Variants in GNE observed in about 807,000 individuals in gnomAD.
The protein encoded by GNE is glucosamine (UDP-N-acetyl)-2-epimerase/N-acetylmannosamine kinase, also known as bifunctional UDP-N-acetylglucosamine 2-epimerase/N-acetylmannosamine kinase.
Under a neutral mutation model 61.8 loss-of-function variants are expected in GNE, and 41 were observed. That is an observed-to-expected ratio of 0.66 (90% CI 0.52 to 0.86). The LOEUF is 0.86. GNE is among the 40% of genes least tolerant of loss of function. The pLI, the probability that GNE is intolerant of heterozygous loss-of-function variation, is 0.00. For synonymous variants in GNE, 264 were observed against 326.4 expected, an observed-to-expected ratio of 0.81 and a Z score of 2.06; for missense variants, 608 against 909.1, an observed-to-expected ratio of 0.67 and a Z score of 4.26.
intron 4 of GNE, among the ~76,000 whole-genome samples, chr9:36,235,950 C>T (rs1051057433): frequency 1.3e-5 from 2 of 152,130 alleles, no homozygotes; most frequent in African/African-American, 4.8e-5. Context: ...TATCTCACAC[C>T]CCCATTAACT....
intron 4 of GNE, 124 bp downstream of exon 4, chr9:36,236,708 G>T: frequency 1.2e-6 from 1 of 852,854 alleles, no homozygotes; most frequent in Non-Finnish European, 2.0e-6. Context: ...AAATTGGAAT[G>T]CATTTCAGAA....
chr9:36,256,537 G>C (rs1409842124), intron 1 of GNE, among the ~76,000 whole-genome samples: 1 of 152,084 alleles, frequency 6.6e-6, no homozygotes, highest in Non-Finnish European at 1.5e-5. Context: ...GAGCCACCAC[G>C]CCCGGCAGAA....
chr9:36,265,308 G>T (rs1173871656), intron 1 of GNE: 13 of 441,078 alleles, frequency 2.9e-5, no homozygotes, highest in Middle Eastern at 3.5e-4. Flanking sequence ...AAGAACCCCA[G>T]GTCAGAGAAC....
rs560334698 is a variant in GNE, at chr9:36,267,416, G to A, written c.51+9478C>T. Among the ~76,000 whole-genome samples the A allele has an allele frequency of 5.3e-5, 8 of 152,160 alleles. No homozygotes were observed. In the East Asian group the frequency reaches 1.5e-3, roughly 29 times the overall value. On this transcript the variant is annotated intron_variant, in intron 1 of 11. Coordinates refer to the GNE transcript ENST00000396594. ...TCAGGATTTTAAAATATATTTTTTG[G>A]CTGAGTGCGGTGGCTCATGCCTGTA...
At chr9:36,272,917 C>CAAAAGAAAAAAA (rs1831092968) in intron 1 of GNE, among the ~76,000 whole-genome samples, 1 of 38,336 alleles carries the variant, frequency 2.6e-5, no homozygotes, top group African/African-American at 6.7e-5. Context: ...AGTAAAAATA[C>CAAAAGAAAAAAA]AAAAAAAAAA....
At chr9:36,240,621 T>A (rs1829596284) in intron 3 of GNE, among the ~76,000 whole-genome samples, 1 of 152,170 alleles carries the variant, frequency 6.6e-6, no homozygotes, top group South Asian at 2.1e-4. Context: ...GTTTTTTTTG[T>A]TATGTCCTTT....
intron 4 of GNE, among the ~76,000 whole-genome samples, chr9:36,235,675 G>A (rs895536318): frequency 2.0e-4 from 30 of 152,038 alleles, no homozygotes; most frequent in South Asian, 2.1e-4. Context: ...TACATTACCT[G>A]GAAAAAATCT....
At chr9:36,273,149 A>G (rs778447596) in intron 1 of GNE, among the ~76,000 whole-genome samples, 4 of 152,090 alleles carry the variant, frequency 2.6e-5, no homozygotes, top group Non-Finnish European at 4.4e-5. Flanking sequence ...GAACATTTCC[A>G]TGAGATTGAG....
At chr9:36,255,528 T>C (rs903904042) in intron 1 of GNE, among the ~76,000 whole-genome samples, 5 of 152,172 alleles carry the variant, frequency 3.3e-5, no homozygotes, top group Non-Finnish European at 7.3e-5. Flanking sequence ...TCTTCTCATA[T>C]GTGTTCCCCA....
rs759035396 is a variant in GNE, at chr9:36,217,330, C to T, written c.*35G>A. The T allele has an allele frequency of 1.5e-6, 2 of 1,369,208 alleles. No homozygotes were observed. The highest frequency in any genetic ancestry group is 1.2e-5 in the South Asian group (1 of 84,974). 84.8% of individuals were successfully genotyped at this position (1,369,208 alleles called of 1,614,324 possible). On this transcript the variant is annotated 3_prime_UTR_variant, in exon 12 of 12. Coordinates refer to ENST00000642385, the MANE Select transcript of GNE (RefSeq NM_005476.7). ...ACAAGAACTTGATTCCACTCAGGAG[C>T]TCTGGAGAGAAGGTCCATGTCTGTT...
In GNE at chr9:36,217,149, C is replaced by T; in HGVS notation, c.*216G>A. 3.4e-6 allele frequency: 2 copies of T among 580,518 alleles called. No individual in the cohort carries two copies. The highest frequency in any genetic ancestry group is 6.2e-6 in the Non-Finnish European group (2 of 324,284). The allele number at this position is 580,518 out of a possible 1,614,324, so 36.0% of individuals were successfully genotyped here. A position where few individuals can be genotyped will look rare whatever the true frequency, so the allele number is the denominator to read the frequency against. Reference sequence around the variant, plus strand: ...CTTACAGGGTTTGAGCTAAAATGACCCCTAGTAAGAAGACATCAGAAAGAA... The same window carrying T: ...CTTACAGGGTTTGAGCTAAAATGACTCCTAGTAAGAAGACATCAGAAAGAA... On this transcript the variant is annotated 3_prime_UTR_variant, in exon 12 of 12. Coordinates refer to ENST00000642385, the MANE Select transcript of GNE (RefSeq NM_005476.7).
intron 6 of GNE, among the ~76,000 whole-genome samples, 170 bp downstream of exon 6, chr9:36,228,851 C>G (rs1335183050): frequency 6.9e-6 from 1 of 144,386 alleles, no homozygotes. Flanking sequence ...ACCTTTGGAA[C>G]AGTAATAATG....
chr9:36,248,619 C>T (rs569588663), intron 2 of GNE, among the ~76,000 whole-genome samples: 3 of 152,214 alleles, frequency 2.0e-5, no homozygotes, highest in South Asian at 2.1e-4. Context: ...CCACCGTGCC[C>T]GGCCCAACTT....
intron 2 of GNE, among the ~76,000 whole-genome samples, chr9:36,248,897 TAACA>T (rs1236162675): frequency 6.6e-6 from 1 of 152,332 alleles, no homozygotes; most frequent in East Asian, 1.9e-4. Context: ...TAACAACTAA[TAACA>T]AACAGTAATA....
At chr9:36,274,337 C>A (rs1408147793) in intron 1 of GNE, among the ~76,000 whole-genome samples, 2 of 152,056 alleles carry the variant, frequency 1.3e-5, no homozygotes, top group Admixed American at 6.6e-5. Flanking sequence ...CTCAAGCAAT[C>A]CTCCTGCCTC....
At chr9:36,223,786 C>G (rs962258915) in intron 7 of GNE, among the ~76,000 whole-genome samples, 3 of 151,248 alleles carry the variant, frequency 2.0e-5, no homozygotes, top group Non-Finnish European at 4.4e-5. Context: ...GCCTCTCGCT[C>G]TGTTGCCCAG....
intron 9 of GNE, 96 bp from the exon 10 acceptor site, chr9:36,220,116 T>C: frequency 1.0e-6 from 1 of 998,078 alleles, no homozygotes; most frequent in Non-Finnish European, 1.6e-6. Context: ...CTTTGGCATG[T>C]GAGGGTCTAT....
intron 5 of GNE, among the ~76,000 whole-genome samples, chr9:36,232,605 T>G (rs912415824): frequency 2.0e-5 from 3 of 152,176 alleles, no homozygotes; most frequent in Non-Finnish European, 4.4e-5. Flanking sequence ...TGCCTCTCCC[T>G]GATCCTCACA....
At chr9:36,252,371 T>C (rs1830140866) in intron 1 of GNE, among the ~76,000 whole-genome samples, 1 of 152,220 alleles carries the variant, frequency 6.6e-6, no homozygotes, top group Non-Finnish European at 1.5e-5. Context: ...CTTCCAGTGA[T>C]CAAATTTGAG....
Sources: gnomAD v4.1 joint callset for allele counts (sites outside exome capture counted in the v4.1 genomes callset) on GRCh38, gnomAD v4.1.1 for gene constraint, MANE v1.5 for transcripts, NCBI Gene and HGNC (gene_info 2026-07-23, HGNC 2026-07-21) for gene names.